The following FRMD5 variants were observed in gnomAD, a reference collection of about 807,000 sequenced individuals.
The protein encoded by FRMD5 is FERM domain containing 5, also known as FERM domain-containing protein 5.
FRMD5 carries 20 observed loss-of-function variants against 69.0 expected under a neutral mutation model. That is an observed-to-expected ratio of 0.29 (90% CI 0.20 to 0.42). The LOEUF (loss-of-function observed/expected upper bound fraction) is 0.42. Ranked by LOEUF, FRMD5 falls within the 10% of genes least tolerant of loss-of-function variation. FRMD5 has a pLI of 1.00. For missense variants in FRMD5, 595 were observed against 708.6 expected (o/e 0.84, Z 1.82); for synonymous variants, 271 against 260.1 (o/e 1.04, Z -0.40).
chr15:43,923,311 T>G (rs915337100), intron 2 of FRMD5, among the ~76,000 whole-genome samples: 1 of 152,192 alleles, frequency 6.6e-6, no homozygotes. Context: ...GGAACACAGG[T>G]AATCACAGAA....
At position 44,050,485 on chromosome 15, in the gene FRMD5, G is replaced by A. The variant is rs903945803; in HGVS notation, c.103-126176C>T. On this transcript the variant is annotated intron_variant, in intron 1 of 13. Transcript: ENST00000417257. ...AGCTGTCCTCCTACCTCAGCCTCCCGAGTAGCTGGGGACTACAGGCACATG... is the reference window on the plus strand; with the variant it reads ...AGCTGTCCTCCTACCTCAGCCTCCCAAGTAGCTGGGGACTACAGGCACATG... 5.5e-5 allele frequency among the ~76,000 whole-genome samples: 8 copies of A among 146,728 alleles called. No homozygotes were observed. In the Middle Eastern group the frequency reaches 0.011, roughly 210 times the overall value.
At chr15:44,028,597 C>T (rs1181107119) in intron 1 of FRMD5, among the ~76,000 whole-genome samples, 2 of 152,140 alleles carry the variant, frequency 1.3e-5, no homozygotes, top group Non-Finnish European at 2.9e-5. Flanking sequence ...CCATAAGGCA[C>T]AGATACTGAG....
intron 1 of FRMD5, among the ~76,000 whole-genome samples, chr15:44,180,565 A>G (rs1221550653): frequency 1.3e-5 from 2 of 152,184 alleles, no homozygotes; most frequent in Non-Finnish European, 2.9e-5. Context: ...TGGGCGGATC[A>G]CTTGAGGTCA....
chr15:43,935,642 G>A (rs1212104335), intron 1 of FRMD5, among the ~76,000 whole-genome samples: 2 of 152,152 alleles, frequency 1.3e-5, no homozygotes, highest in African/African-American at 4.8e-5. Flanking sequence ...GAGGAGGCAA[G>A]TTTTCTGGAA....
chr15:44,019,473 C>A (rs575203648), intron 1 of FRMD5, among the ~76,000 whole-genome samples: 1 of 150,730 alleles, frequency 6.6e-6, no homozygotes, highest in Admixed American at 6.6e-5. Context: ...CGGTGCCTCA[C>A]ACCTGTAACC....
At chr15:44,155,204 C>A (rs2077507168) in intron 1 of FRMD5, among the ~76,000 whole-genome samples, 1 of 152,118 alleles carries the variant, frequency 6.6e-6, no homozygotes. Context: ...GAGGCCAAGG[C>A]AGGCAGATCC....
chr15:43,875,276 G>T (rs1296896798), intron 13 of FRMD5, among the ~76,000 whole-genome samples: 1 of 149,354 alleles, frequency 6.7e-6, no homozygotes, highest in Admixed American at 6.7e-5. Context: ...GCTTGAGCCT[G>T]GGAGGTCAAA....
At chr15:44,039,976 C>A (rs556023773) in intron 1 of FRMD5, among the ~76,000 whole-genome samples, 1 of 151,778 alleles carries the variant, frequency 6.6e-6, no homozygotes, top group Non-Finnish European at 1.5e-5. Flanking sequence ...TAGAGAAGAA[C>A]ATAAATGACT....
At chr15:43,888,761 C>A in intron 9 of FRMD5, 48 bp downstream of exon 9, 1 of 1,516,656 alleles carries the variant, frequency 6.6e-7, no homozygotes. Flanking sequence ...CACCAGGAAG[C>A]ATCCCATCAC....
chr15:44,076,813 G>A (rs956896483), intron 1 of FRMD5, among the ~76,000 whole-genome samples: 1 of 151,480 alleles, frequency 6.6e-6, no homozygotes, highest in Non-Finnish European at 1.5e-5. Context: ...CTATGAACAA[G>A]TATAGAGGCT....
chr15:44,083,857 G>T (rs1481323906), intron 1 of FRMD5, among the ~76,000 whole-genome samples: 1 of 151,954 alleles, frequency 6.6e-6, no homozygotes, highest in African/African-American at 2.4e-5. Flanking sequence ...TCTGTCAGCA[G>T]CACCAGGGTA....
chr15:44,129,614 T>C (rs143888598), intron 1 of FRMD5, among the ~76,000 whole-genome samples: 94 of 152,252 alleles, frequency 6.2e-4, no homozygotes, highest in African/African-American at 2.2e-3. Context: ...TGCTTCAATA[T>C]CCCATTAACT....
chr15:43,940,763 C>G (rs1305725134), intron 1 of FRMD5, among the ~76,000 whole-genome samples: 1 of 152,012 alleles, frequency 6.6e-6, no homozygotes, highest in Non-Finnish European at 1.5e-5. Flanking sequence ...ATTTAAGTGA[C>G]CAATTTGAAG....
chr15:43,909,419 A>C (rs961236080), intron 5 of FRMD5, among the ~76,000 whole-genome samples: 13 of 151,578 alleles, frequency 8.6e-5, no homozygotes, highest in Non-Finnish European at 1.6e-4. Flanking sequence ...AAAACAAAAC[A>C]AACAAAAAAA....
At chr15:43,967,049 G>C (rs1296432424) in intron 1 of FRMD5, among the ~76,000 whole-genome samples, 1 of 152,138 alleles carries the variant, frequency 6.6e-6, no homozygotes, top group East Asian at 1.9e-4. Context: ...CTTGCTTCTG[G>C]CTGGAGCTGG....
intron 1 of FRMD5, among the ~76,000 whole-genome samples, chr15:44,096,475 T>A (rs2076555357): frequency 6.6e-6 from 1 of 151,564 alleles, no homozygotes; most frequent in African/African-American, 2.4e-5. Flanking sequence ...TGATCTTGGT[T>A]CACTGCAACC....
intron 1 of FRMD5, among the ~76,000 whole-genome samples, chr15:44,022,027 G>A (rs1449781597): frequency 6.6e-6 from 1 of 151,998 alleles, no homozygotes; most frequent in African/African-American, 2.4e-5. Flanking sequence ...AGTGAAATAA[G>A]CCAGACACAA....
intron 2 of FRMD5, among the ~76,000 whole-genome samples, chr15:43,922,834 G>A (rs1382901624): frequency 6.6e-6 from 1 of 151,870 alleles, no homozygotes; most frequent in Non-Finnish European, 1.5e-5. Flanking sequence ...CCATTTCCGC[G>A]AATTTTTGTA....
intron 1 of FRMD5, among the ~76,000 whole-genome samples, chr15:43,983,838 C>G (rs1044816311): frequency 5.9e-5 from 9 of 152,174 alleles, no homozygotes; most frequent in African/African-American, 9.7e-5. Flanking sequence ...GCTCTTTCAT[C>G]TTCAGGGGCC....
Sources: allele counts gnomAD v4.1 joint callset (sites outside exome capture counted in the v4.1 genomes callset), GRCh38; gene constraint gnomAD v4.1.1; transcripts MANE v1.5; gene names NCBI Gene and HGNC (gene_info 2026-07-23, HGNC 2026-07-21).